The following PLXND1 variants were observed in gnomAD, a reference collection of about 807,000 sequenced individuals.
PLXND1 encodes plexin-D1.
In PLXND1, 54 loss-of-function variants were observed where a neutral mutation model predicts 197.7. That is an observed-to-expected ratio of 0.27 (90% CI 0.22 to 0.34). The LOEUF (loss-of-function observed/expected upper bound fraction) is 0.34, where lower values mean the gene tolerates loss of function less well. PLXND1 is among the 10% of genes least tolerant of loss of function. PLXND1 has a pLI of 1.00. For missense variants in PLXND1, 2,127 were observed against 2,699.2 expected (o/e 0.79, Z 4.70); for synonymous variants, 1,180 against 1,161.2 (o/e 1.02, Z -0.33).
chr3:129,567,468 G>C, intron 22 of PLXND1, 24 bp downstream of exon 22: 1 of 1,401,738 alleles, frequency 7.1e-7, no homozygotes, highest in Non-Finnish European at 1.0e-6. Flanking sequence ...CACAGGTTCA[G>C]GGCAGGCTCA....
At chr3:129,567,911 G>C in intron 20 of PLXND1, 106 bp from the exon 21 acceptor site, 1 of 401,306 alleles carries the variant, frequency 2.5e-6, no homozygotes, top group Admixed American at 3.6e-5. Flanking sequence ...GGCAGGGTGT[G>C]GGAGGAGGCC....
At chr3:129,597,648 C>T (rs983373210) in intron 1 of PLXND1, among the ~76,000 whole-genome samples, 4 of 152,266 alleles carry the variant, frequency 2.6e-5, no homozygotes, top group African/African-American at 7.2e-5. Flanking sequence ...GGAGGGCCCC[C>T]GCTGGCGCTG....
intron 4 of PLXND1, 22 bp downstream of exon 4, chr3:129,586,150 T>C: frequency 6.2e-7 from 1 of 1,610,498 alleles, no homozygotes; most frequent in Non-Finnish European, 8.5e-7. Flanking sequence ...CTGGTCCAGC[T>C]GTTGCTGGTG....
chr3:129,605,635 G>A lies in PLXND1; in HGVS notation c.1005C>T (p.Thr335=). 1.3e-6 allele frequency: 2 copies of A among 1,537,614 alleles called. No individual in the cohort carries two copies. Among genetic ancestry groups the A allele is most frequent in the Non-Finnish European group, 1.7e-6 (2 of 1,145,518 alleles). ...HGAGGDAKKL[T]ESYIQLGLQC... Reference sequence around the variant, plus strand: ...GCAAGCCCAACTGGATGTAGGACTCGGTGAGCTTCTTGGCGTCGCCGCCGG... The same window carrying A: ...GCAAGCCCAACTGGATGTAGGACTCAGTGAGCTTCTTGGCGTCGCCGCCGG... The change falls in exon 1 of 36, where the codon ACC becomes ACT. Residue 335 remains threonine (T), a synonymous_variant. Transcript: ENST00000324093.
intron 21 of PLXND1, 21 bp from the exon 22 acceptor site, chr3:129,567,625 C>T (rs779578626): frequency 3.9e-5 from 63 of 1,595,340 alleles, no homozygotes; most frequent in Admixed American, 1.0e-4. Flanking sequence ...CACGGACAGC[C>T]GTGAGCGGCC....
chr3:129,585,937 T>A lies in PLXND1; in HGVS notation c.1851+15A>T. 6.2e-7 allele frequency: 1 copy of A among 1,613,554 alleles called. No individual in the cohort carries two copies. ...CCTGTGTCCCGAGCTGGGTCTTGCC[T>A]CCCCCAGGACTCACTGGGTACTCCT... On this transcript the variant is annotated intron_variant, in intron 5 of 35. Coordinates refer to ENST00000324093, the MANE Select transcript of PLXND1 (RefSeq NM_015103.3).
rs772777477 is a variant in PLXND1 at position 129,584,228 on chromosome 3, C to T, written c.2035G>A (p.Val679Met). ...ACCCTCACAGACATCTCAACAGTCACGTGGTCTGGAATGGATGGGGGAGCC... is the reference window on the plus strand; with the variant it reads ...ACCCTCACAGACATCTCAACAGTCATGTGGTCTGGAATGGATGGGGGAGCC... The part of the protein sequence containing the change: ...FPPFPPNQDH[V>M]TVEMSVRVNG... Residue 679 changes from valine (V) to methionine (M), a missense_variant, in exon 7 of 36, where the codon GTG (valine) becomes ATG (methionine). By Grantham distance (21) the Val-to-Met change is conservative. This residue lies in a region of PLXND1 where 1,095 missense variants were observed against 1,259.8 expected (regional missense o/e 0.87). Transcript: ENST00000324093. 17 of 1,598,112 alleles carry T rather than the reference C, an allele frequency of 1.1e-5. No homozygotes were observed. The highest frequency in any genetic ancestry group is 5.4e-5 in the African/African-American group (4 of 74,734).
intron 1 of PLXND1, among the ~76,000 whole-genome samples, chr3:129,598,782 C>G (rs1043006698): frequency 4.8e-4 from 73 of 152,028 alleles, no homozygotes; most frequent in Admixed American, 3.3e-4. Flanking sequence ...ACAGGCGCTA[C>G]AGCCAGAAGC....
chr3:129,574,589 C>CA, intron 11 of PLXND1, 99 bp from the exon 12 acceptor site: 1 of 1,250,768 alleles, frequency 8.0e-7, no homozygotes, highest in Non-Finnish European at 1.1e-6. Flanking sequence ...AGGTCTGCGC[C>CA]CCATCATTGT....
At position 129,556,096 on chromosome 3, in the gene PLXND1, G is replaced by C. The variant is rs1384243467; in HGVS notation, c.*216C>G. 1 of 542,552 alleles carries C rather than the reference G, an allele frequency of 1.8e-6. No individual in the cohort carries two copies. Among genetic ancestry groups the C allele is most frequent in the East Asian group, 3.2e-5 (1 of 30,776 alleles). 33.6% of individuals were successfully genotyped at this position (542,552 alleles called of 1,614,324 possible). ...CCAGCTCTCTGGCCTCCATCCCAGA[G>C]ACTGATCTGGGGACAGGTGGGAGGG... On this transcript the variant is annotated 3_prime_UTR_variant, in exon 36 of 36. Transcript: ENST00000324093.
chr3:129,563,895 A>G (rs1338230595), intron 25 of PLXND1, among the ~76,000 whole-genome samples: 1 of 152,250 alleles, frequency 6.6e-6, no homozygotes, highest in Admixed American at 6.5e-5. Flanking sequence ...AATTAAGTAC[A>G]TAATAGTATT....
Position 129,572,685 on chromosome 3 carries a change from T to C in PLXND1, c.3001A>G (p.Ile1001Val), listed in dbSNP as rs1396201969. The C allele has an allele frequency of 1.2e-6, 2 of 1,605,856 alleles. No homozygotes were observed. The highest frequency in any genetic ancestry group is 8.5e-7 in the Non-Finnish European group (1 of 1,175,546). Residue 1001 changes from isoleucine to valine, a missense_variant, in exon 15 of 36, where the codon ATC becomes GTC. This residue lies in a region of PLXND1 where 1,095 missense variants were observed against 1,259.8 expected (regional missense o/e 0.87). Transcript: ENST00000324093. ...CCTACATGGAGGTCATTCCCATGGATGGTGATCCTGGTGCCCCCGGCCTTG... is the reference window on the plus strand; with the variant it reads ...CCTACATGGAGGTCATTCCCATGGACGGTGATCCTGGTGCCCCCGGCCTTG... Reference protein sequence around the residue: ...GPKAGGTRITIHGNDLHVGSE... With the variant: ...GPKAGGTRITVHGNDLHVGSE...
intron 1 of PLXND1, 42 bp downstream of exon 1, chr3:129,605,284 CCCG>C (rs3832259): frequency 0.011 from 7,713 of 729,774 alleles, 1 homozygote; most frequent in South Asian, 0.019. Context: ...CGCCCCCGCC[CCCG>C]CCGCCGCCGC....
chr3:129,586,224 C>T lies in PLXND1; in HGVS notation c.1669G>A (p.Asp557Asn), dbSNP rs1409538149. The T allele has an allele frequency of 1.2e-6, 2 of 1,601,392 alleles. No individual in the cohort carries two copies. The highest frequency in any genetic ancestry group is 3.4e-5 in the Admixed American group (2 of 59,576). Residue 557 changes from aspartate (D) to asparagine (N), a missense_variant, in exon 4 of 36, where the codon GAC (aspartate) becomes AAC (asparagine). Transcript: ENST00000324093. ...AACNVHSTCG[D>N]CVGAADAYCG... ...TAGGCGTCCGCCGCACCCACGCAGTCCCCACAGGTGGAGTGCACGTTGCAG... is the reference window on the plus strand; with the variant it reads ...TAGGCGTCCGCCGCACCCACGCAGTTCCCACAGGTGGAGTGCACGTTGCAG...
rs202051815 is a variant in PLXND1, at chr3:129,575,850, T to A, written c.2352A>T (p.Ala784=). ...PLANTAFFQG[A]ALECSFGLEE... ...CCAGCCCAAAACTACACTCCAGGGCTGCACCCTGTGGGAAACAGGGAGTGG... is the reference window on the plus strand; with the variant it reads ...CCAGCCCAAAACTACACTCCAGGGCAGCACCCTGTGGGAAACAGGGAGTGG... The change falls in exon 10 of 36, where the codon GCA becomes GCT. Residue 784 remains alanine (A), a synonymous_variant. Coordinates refer to ENST00000324093, the MANE Select transcript of PLXND1 (RefSeq NM_015103.3). The A allele has an allele frequency of 9.4e-5, 151 of 1,608,948 alleles. No individual in the cohort carries two copies. Among genetic ancestry groups the A allele is most frequent in the Admixed American group, 1.3e-4 (8 of 59,946 alleles).
chr3:129,568,301 G>A (rs1220233395), intron 20 of PLXND1, among the ~76,000 whole-genome samples: 1 of 152,126 alleles, frequency 6.6e-6, no homozygotes, highest in Non-Finnish European at 1.5e-5. Context: ...CTGGGGTGGG[G>A]AGGAATATAT....
At position 129,605,406 on chromosome 3, in the gene PLXND1, C is replaced by T. The variant is rs776637104; in HGVS notation, c.1234G>A (p.Ala412Thr). ...AARTACFVEP[A>T]PDVVAVLDSV... The stretch of plus-strand genomic sequence containing the variant: ...TCGAGCACCGCCACCACGTCGGGCG[C>T]CGGTTCCACGAAGCAGGCGGTGCGC... The change falls in exon 1 of 36, where the codon GCG becomes ACG. Residue 412 changes from alanine to threonine, a missense_variant. Physicochemically the swap from Ala to Thr is moderately conservative, Grantham distance 58. Coordinates refer to ENST00000324093, the MANE Select transcript of PLXND1 (RefSeq NM_015103.3). 4.0e-6 allele frequency: 6 copies of T among 1,500,942 alleles called. No homozygotes were observed. Among genetic ancestry groups the T allele is most frequent in the Non-Finnish European group, 5.3e-6 (6 of 1,132,868 alleles). 93.0% of individuals were successfully genotyped at this position (1,500,942 alleles called of 1,614,324 possible).
intron 19 of PLXND1, chr3:129,570,571 G>A (rs563759850): frequency 1.7e-6 from 1 of 595,114 alleles, no homozygotes; most frequent in Non-Finnish European, 3.0e-6. Flanking sequence ...TCCAGGTCCA[G>A]ATGGGGCCCA....
intron 17 of PLXND1, 21 bp downstream of exon 17, chr3:129,571,488 T>C (rs1432964101): frequency 6.9e-6 from 11 of 1,596,160 alleles, no homozygotes; most frequent in African/African-American, 1.3e-5. Flanking sequence ...CTCCCACCCA[T>C]CAGGCCCCCG....
Sources: gnomAD v4.1 joint callset for allele counts (sites outside exome capture counted in the v4.1 genomes callset) on GRCh38, gnomAD v4.1.1 for gene constraint, gnomAD v4.1.1 regional missense constraint, MANE v1.5 for transcripts, NCBI Gene and HGNC (gene_info 2026-07-23, HGNC 2026-07-21) for gene names.